The following XKR6 variants were observed in gnomAD, a reference collection of about 807,000 sequenced individuals.
XKR6 encodes XK-related protein 6.
Under a neutral mutation model 56.7 loss-of-function variants are expected in XKR6, and 22 were observed. The ratio of observed to expected loss-of-function variants is 0.39; its 90% confidence interval spans 0.28 to 0.55. The LOEUF (loss-of-function observed/expected upper bound fraction) is 0.55. Ranked by LOEUF, XKR6 falls within the 20% of genes least tolerant of loss-of-function variation. The pLI is 0.66. For missense variants in XKR6, 852 were observed against 889.0 expected (o/e 0.96, Z 0.53); for synonymous variants, 524 against 387.8 (o/e 1.35, Z -4.13).
Position 11,006,087 on chromosome 8 carries a change from G to A in XKR6, c.765-81257C>T, listed in dbSNP as rs574086981. Among the ~76,000 whole-genome samples, 339 of 152,046 alleles carry A rather than the reference G, an allele frequency of 2.2e-3. 2 individuals carry two copies. Among genetic ancestry groups the A allele is most frequent in the African/African-American group, 7.7e-3 (321 of 41,494 alleles). ...TCGAACTCCTGACCTCAAGTGATCC[G>A]CCCGCCTCGGCCTCCCAAAGTGCTG... On this transcript the variant is annotated intron_variant, in intron 1 of 2. Transcript: ENST00000416569.
intron 1 of XKR6, among the ~76,000 whole-genome samples, chr8:10,988,820 A>G (rs992850810): frequency 2.0e-5 from 3 of 152,212 alleles, no homozygotes; most frequent in Non-Finnish European, 4.4e-5. Flanking sequence ...TACAAAGTCA[A>G]CGTCTGGATT....
Position 10,898,374 on chromosome 8 carries a change from C to T in XKR6, c.1504G>A (p.Gly502Arg). Residue 502 changes from glycine to arginine, a missense_variant, in exon 3 of 3, where the codon GGA (glycine) becomes AGA (arginine). Coordinates refer to ENST00000416569, the MANE Select transcript of XKR6 (RefSeq NM_173683.4). The surrounding 1 kb of genome is among the most constrained non-coding windows in gnomAD (Gnocchi z 6.6). ...LLYYGVLHPT[G>R]PRAKILASSC... ...CTGGCAAGGATCTTAGCTCGTGGTCCTGTGGGATGCAGCACGCCATAGTAT... is the reference window on the plus strand; with the variant it reads ...CTGGCAAGGATCTTAGCTCGTGGTCTTGTGGGATGCAGCACGCCATAGTAT... The T allele has an allele frequency of 6.2e-7, 1 of 1,614,028 alleles. No individual in the cohort carries two copies. The highest frequency in any genetic ancestry group is 8.5e-7 in the Non-Finnish European group (1 of 1,179,994).
intron 1 of XKR6, among the ~76,000 whole-genome samples, chr8:10,932,296 C>G (rs1801073690): frequency 6.6e-6 from 1 of 152,178 alleles, no homozygotes; most frequent in Non-Finnish European, 1.5e-5. Flanking sequence ...AAACAGTGGA[C>G]AGTCTCTCAT....
intron 1 of XKR6, chr8:11,035,247 C>G (rs371081436): frequency 1.9e-6 from 1 of 534,652 alleles, no homozygotes; most frequent in Non-Finnish European, 3.8e-6. Flanking sequence ...GACGTAGCAC[C>G]CCATTTCCAG....
chr8:10,925,794 A>G (rs1423911592), intron 1 of XKR6, among the ~76,000 whole-genome samples: 1 of 152,164 alleles, frequency 6.6e-6, no homozygotes, highest in East Asian at 1.9e-4. Flanking sequence ...CCCAGGTCAT[A>G]TAATAACCCC....
At chr8:11,110,121 C>T (rs529459360) in intron 1 of XKR6, among the ~76,000 whole-genome samples, 5 of 152,006 alleles carry the variant, frequency 3.3e-5, no homozygotes, top group South Asian at 2.1e-4. Context: ...TACAGGTGCC[C>T]GCCACCACAT....
intron 1 of XKR6, among the ~76,000 whole-genome samples, chr8:11,064,718 C>T (rs553284842): frequency 2.0e-5 from 3 of 152,250 alleles, no homozygotes; most frequent in African/African-American, 7.2e-5. Context: ...TAATCGTTCA[C>T]AACAGAAGGC....
At chr8:11,142,957 A>G (rs1270656778) in intron 1 of XKR6, among the ~76,000 whole-genome samples, 2 of 152,232 alleles carry the variant, frequency 1.3e-5, no homozygotes, top group African/African-American at 4.8e-5. Flanking sequence ...GGATGACAGG[A>G]AATCAATTCA....
intron 1 of XKR6, among the ~76,000 whole-genome samples, chr8:11,180,922 A>G (rs1408480459): frequency 6.6e-6 from 1 of 152,194 alleles, no homozygotes; most frequent in African/African-American, 2.4e-5. Flanking sequence ...TATAAAAATA[A>G]TAAAATGTTG....
At chr8:11,143,327 G>C (rs1227204859) in intron 1 of XKR6, among the ~76,000 whole-genome samples, 1 of 152,152 alleles carries the variant, frequency 6.6e-6, no homozygotes, top group African/African-American at 2.4e-5. Context: ...GACATGGCAA[G>C]ACCAAGTCCC....
intron 1 of XKR6, among the ~76,000 whole-genome samples, chr8:11,174,834 A>G (rs1478468672): frequency 1.3e-5 from 2 of 152,220 alleles, no homozygotes; most frequent in African/African-American, 4.8e-5. Context: ...AGAACGGATG[A>G]TCAACGGACC....
chr8:11,047,428 T>G (rs1308073993), intron 1 of XKR6, among the ~76,000 whole-genome samples: 1 of 152,256 alleles, frequency 6.6e-6, no homozygotes, highest in Non-Finnish European at 1.5e-5. Context: ...GGATGGTGAT[T>G]CCACTACTGT....
intron 1 of XKR6, among the ~76,000 whole-genome samples, chr8:11,162,815 CA>C (rs1472596239): frequency 6.6e-6 from 1 of 152,226 alleles, no homozygotes; most frequent in East Asian, 1.9e-4. Context: ...CGAAGTGTTT[CA>C]ATTTAAGCCA....
At chr8:11,035,227 T>A in intron 1 of XKR6, 1 of 534,688 alleles carries the variant, frequency 1.9e-6, no homozygotes, top group South Asian at 1.4e-5. Context: ...ATGATGACGA[T>A]GACAACGATG....
intron 1 of XKR6, among the ~76,000 whole-genome samples, chr8:11,076,598 T>C (rs1053138961): frequency 1.3e-5 from 2 of 152,142 alleles, no homozygotes; most frequent in African/African-American, 4.8e-5. Context: ...TTCTAACCTA[T>C]AAATTGATGC....
intron 1 of XKR6, among the ~76,000 whole-genome samples, chr8:11,011,646 G>A (rs1421510889): frequency 6.6e-6 from 1 of 152,220 alleles, no homozygotes; most frequent in African/African-American, 2.4e-5. Context: ...ATGGCAATAA[G>A]TGTTGCAGAG....
At chr8:11,165,503 G>A (rs1802030113) in intron 1 of XKR6, among the ~76,000 whole-genome samples, 1 of 152,106 alleles carries the variant, frequency 6.6e-6, no homozygotes, top group South Asian at 2.1e-4. Context: ...ACAAGGTGAG[G>A]GCAATGAGGG....
intron 1 of XKR6, among the ~76,000 whole-genome samples, chr8:11,051,623 C>T (rs757393892): frequency 2.6e-5 from 4 of 152,282 alleles, no homozygotes; most frequent in East Asian, 1.9e-4. Flanking sequence ...ACCTGCAGAA[C>T]GTATGTCTGC....
intron 1 of XKR6, among the ~76,000 whole-genome samples, chr8:10,970,637 T>C (rs936881294): frequency 6.6e-6 from 1 of 152,122 alleles, no homozygotes; most frequent in Non-Finnish European, 1.5e-5. Flanking sequence ...TTCTCAGTGT[T>C]TTTCCTCATC....
Sources: allele counts gnomAD v4.1 joint callset (sites outside exome capture counted in the v4.1 genomes callset), GRCh38; gene constraint gnomAD v4.1.1; non-coding constraint Gnocchi (gnomAD v3.1); transcripts MANE v1.5; gene names NCBI Gene and HGNC (gene_info 2026-07-23, HGNC 2026-07-21).